USP45: variants seen among roughly 807,000 people sequenced by gnomAD.
The protein encoded by USP45 is ubiquitin specific peptidase 45.
A neutral mutation model predicts 95.8 loss-of-function variants in USP45; 89 were observed. That is an observed-to-expected ratio of 0.93 (90% CI 0.78 to 1.11). The LOEUF is 1.11. Ranked by LOEUF, USP45 falls within the 50% of genes least tolerant of loss-of-function variation. USP45 has a pLI of 0.00. For missense variants in USP45, 898 were observed against 942.5 expected, an observed-to-expected ratio of 0.95 and a Z score of 0.62; for synonymous variants, 281 against 316.2, an observed-to-expected ratio of 0.89 and a Z score of 1.18.
chr6:99,516,103 G>T, upstream of USP45, among the ~76,000 whole-genome samples: 1 of 149,758 alleles, frequency 6.7e-6, no homozygotes, highest in African/African-American at 2.5e-5. Context: ...GCCGCCCCCT[G>T]AACTCTTAAA....
chr6:99,495,493 G>A (rs888600002), intron 5 of USP45, among the ~76,000 whole-genome samples: 13 of 152,164 alleles, frequency 8.5e-5, no homozygotes, highest in African/African-American at 3.1e-4. Context: ...TGTCACCTCT[G>A]ATAACTGTCC....
chr6:99,485,222 A>C (rs1793592494), intron 7 of USP45, among the ~76,000 whole-genome samples: 1 of 151,550 alleles, frequency 6.6e-6, no homozygotes, highest in African/African-American at 2.4e-5. Context: ...GCACGCATCT[A>C]CAGTCCCAGC....
intron 4 of USP45, among the ~76,000 whole-genome samples, chr6:99,506,457 C>T (rs958744372): frequency 3.9e-5 from 6 of 152,130 alleles, no homozygotes; most frequent in Admixed American, 1.3e-4. Context: ...TACAGGCGTG[C>T]GCCACCATGC....
At chr6:99,487,212 G>T (rs1328192381) in intron 7 of USP45, among the ~76,000 whole-genome samples, 1 of 152,168 alleles carries the variant, frequency 6.6e-6, no homozygotes, top group East Asian at 1.9e-4. Context: ...TCTCTAACTA[G>T]TAAAGTAGCA....
At chr6:99,477,493 A>G (rs1791165507) in intron 8 of USP45, among the ~76,000 whole-genome samples, 1 of 152,058 alleles carries the variant, frequency 6.6e-6, no homozygotes, top group African/African-American at 2.4e-5. Context: ...TTGTATTTTT[A>G]GTAGAGGTGG....
chr6:99,472,280 C>T (rs543512696), intron 9 of USP45, among the ~76,000 whole-genome samples: 8 of 150,902 alleles, frequency 5.3e-5, no homozygotes, highest in African/African-American at 1.7e-4. Flanking sequence ...TGCAGTGCCG[C>T]GATCACAGCT....
intron 7 of USP45, among the ~76,000 whole-genome samples, chr6:99,483,173 A>T (rs1792856518): frequency 6.6e-6 from 1 of 152,164 alleles, no homozygotes; most frequent in South Asian, 2.1e-4. Context: ...TCTCCTATAA[A>T]TAAAATCACT....
rs888722564 is a variant in USP45, at chr6:99,501,720, C to T, written c.478+2045G>A. The T allele has an allele frequency of 1.3e-5, 3 of 228,862 alleles. No homozygotes were observed. The South Asian group carries it at 2.3e-4, about 18-fold the overall frequency. The allele number at this position is 228,862 out of a possible 1,614,324, so 14.2% of individuals were successfully genotyped here. A position where few individuals can be genotyped will look rare whatever the true frequency, so the allele number is the denominator to read the frequency against. On this transcript the variant is annotated intron_variant, in intron 5 of 17. Coordinates refer to ENST00000500704, the MANE Select transcript of USP45 (RefSeq NM_001346022.3). Reference sequence around the variant, plus strand: ...TATTTTTGGAGGAAGAAACTATTATCCTATACACTCTTAACATACGTTATG... The same window carrying T: ...TATTTTTGGAGGAAGAAACTATTATTCTATACACTCTTAACATACGTTATG...
chr6:99,443,641 TAAA>T lies in USP45; in HGVS notation c.1994_1996del (p.Val665_Tyr666delinsAsp), dbSNP rs1244789730. On this transcript the variant is annotated inframe_deletion, in exon 15 of 18. Coordinates refer to ENST00000500704, the MANE Select transcript of USP45 (RefSeq NM_001346022.3). The stretch of plus-strand genomic sequence containing the variant: ...GAGCAATTGCTTCCTGGCATTAGTA[TAAA>T]CTCCTTCTACTTTCTTTTCTACATA... The T allele has an allele frequency of 3.1e-6, 5 of 1,600,256 alleles. No individual in the cohort carries two copies. The African/African-American group carries it at 6.7e-5, about 21-fold the overall frequency.
At chr6:99,517,658 G>T (rs1801193208), upstream of USP45, among the ~76,000 whole-genome samples, 1 of 149,440 alleles carries the variant, frequency 6.7e-6, no homozygotes, top group Admixed American at 6.7e-5. Context: ...GGCCAGGCTG[G>T]TCTTGAACTC....
upstream of USP45, among the ~76,000 whole-genome samples, chr6:99,516,181 C>T (rs905036384): frequency 6.6e-6 from 1 of 152,062 alleles, no homozygotes; most frequent in Admixed American, 6.6e-5. Flanking sequence ...ACCTATCCTT[C>T]TCTCTTCCTA....
At chr6:99,497,237 T>C (rs897410804) in intron 5 of USP45, among the ~76,000 whole-genome samples, 1 of 152,158 alleles carries the variant, frequency 6.6e-6, no homozygotes, top group African/African-American at 2.4e-5. Context: ...ATGACCTTTT[T>C]ATTCCATGTA....
chr6:99,479,181 C>T (rs1791678328), intron 8 of USP45, among the ~76,000 whole-genome samples: 1 of 141,508 alleles, frequency 7.1e-6, no homozygotes, highest in Non-Finnish European at 1.6e-5. Context: ...CACACACACA[C>T]ACACATACAC....
rs550114518 is a variant in USP45 at position 99,435,802 on chromosome 6, C to T, written c.2359G>A (p.Val787Ile). Residue 787 changes from valine (V) to isoleucine (I), a missense_variant, in exon 18 of 18, where the codon GTT (valine) becomes ATT (isoleucine). Physicochemically the swap from Val to Ile is conservative, Grantham distance 29 (BLOSUM62 3). Transcript: ENST00000500704. ...DNESAGQWVH[V>I]SDTYLQVVPE... The stretch of plus-strand genomic sequence containing the variant: ...ACCACCTGTAAGTAAGTGTCACTAA[C>T]ATGGACCCACTGGCCTGCTGATTCA... 28 of 1,613,820 alleles carry T rather than the reference C, an allele frequency of 1.7e-5. 1 individual carries two copies. The South Asian group carries it at 2.9e-4, about 16-fold the overall frequency.
At chr6:99,475,856 CTGT>C (rs1790695403) in intron 9 of USP45, among the ~76,000 whole-genome samples, 1 of 152,144 alleles carries the variant, frequency 6.6e-6, no homozygotes, top group Non-Finnish European at 1.5e-5. Flanking sequence ...GAGTCTCACT[CTGT>C]CACCCAGGCT....
chr6:99,489,229 A>G (rs561334819), intron 5 of USP45, among the ~76,000 whole-genome samples: 134 of 152,334 alleles, frequency 8.8e-4, no homozygotes, highest in African/African-American at 3.1e-3. Context: ...GCCATGCCAG[A>G]GAGTAAGGAA....
intron 13 of USP45, among the ~76,000 whole-genome samples, chr6:99,454,911 A>G (rs1477676631): frequency 4.6e-5 from 7 of 151,890 alleles, no homozygotes; most frequent in Admixed American, 1.3e-4. Flanking sequence ...ACATGGTGAA[A>G]ACCCTGTCTC....
chr6:99,446,763 A>G (rs1314384517), intron 13 of USP45, among the ~76,000 whole-genome samples: 1 of 152,202 alleles, frequency 6.6e-6, no homozygotes, highest in Non-Finnish European at 1.5e-5. Flanking sequence ...TCTCTTTTAG[A>G]GACAGCATCT....
intron 8 of USP45, among the ~76,000 whole-genome samples, chr6:99,479,197 G>A (rs913900915): frequency 5.3e-5 from 7 of 132,114 alleles, no homozygotes; most frequent in Non-Finnish European, 1.1e-4. Context: ...TACACAAAGT[G>A]TATAGATATG....
Sources: gnomAD v4.1 joint callset for allele counts (sites outside exome capture counted in the v4.1 genomes callset) on GRCh38, gnomAD v4.1.1 for gene constraint, MANE v1.5 for transcripts, NCBI Gene and HGNC (gene_info 2026-07-23, HGNC 2026-07-21) for gene names.